ZC3H12B: variants seen among roughly 807,000 people sequenced by gnomAD.
The protein encoded by ZC3H12B is probable ribonuclease ZC3H12B.
Under a neutral mutation model 43.9 loss-of-function variants are expected in ZC3H12B, and 7 were observed. The ratio of observed to expected loss-of-function variants is 0.16; its 90% CI spans 0.09 to 0.30. ZC3H12B has a LOEUF of 0.30. Among genes scored for constraint, ZC3H12B ranks in the 10% least tolerant of loss-of-function variants. ZC3H12B has a pLI of 1.00. For missense variants in ZC3H12B, 475 were observed against 670.2 expected, an observed-to-expected ratio of 0.71 and a Z score of 3.22; for synonymous variants, 222 against 241.7, an observed-to-expected ratio of 0.92 and a Z score of 0.76.
the ZC3H12B span, among the ~76,000 whole-genome samples, chrX:65,333,450 A>G: frequency 8.9e-5 from 10 of 112,363 alleles, no homozygotes; most frequent in African/African-American, 2.3e-4. Flanking sequence ...TCACAGCAGT[A>G]TAGTTTACTC....
At chrX:65,464,848 C>T (rs1055023018) in intron 3 of ZC3H12B, among the ~76,000 whole-genome samples, 2 of 110,856 alleles carry the variant, frequency 1.8e-5, no homozygotes, top group African/African-American at 6.5e-5. Context: ...TTTCTAATCT[C>T]CTTTGTGGTT....
At chrX:65,036,386 C>T in the ZC3H12B span, among the ~76,000 whole-genome samples, 1 of 111,091 alleles carries the variant, frequency 9.0e-6, no homozygotes, top group Admixed American at 9.6e-5. Context: ...TAAGACGTGG[C>T]GAGAGAGAAG....
At chrX:65,382,147 CA>C (rs1352992500) in intron 2 of ZC3H12B, among the ~76,000 whole-genome samples, 2 of 110,758 alleles carry the variant, frequency 1.8e-5, no homozygotes, top group African/African-American at 3.3e-5. Flanking sequence ...GAGACACAAC[CA>C]AAAAAGAGAA....
At chrX:65,376,196 G>T (rs908984150) in intron 2 of ZC3H12B, among the ~76,000 whole-genome samples, 2 of 112,287 alleles carry the variant, frequency 1.8e-5, no homozygotes, top group African/African-American at 6.5e-5. Flanking sequence ...AATGGGCTGA[G>T]GCTCTGCTTC....
At chrX:65,382,452 T>A (rs750143873) in intron 2 of ZC3H12B, among the ~76,000 whole-genome samples, 1 of 111,479 alleles carries the variant, frequency 9.0e-6, no homozygotes, top group African/African-American at 3.3e-5. Flanking sequence ...GGGACGTATC[T>A]CAAAATAATA....
the ZC3H12B span, among the ~76,000 whole-genome samples, chrX:65,280,390 G>C: frequency 0.14 from 15,944 of 111,314 alleles, 2,731 homozygotes; most frequent in African/African-American, 0.49. Flanking sequence ...GGTACAGAAG[G>C]CAAATAACAT....
chrX:65,092,521 G>A, the ZC3H12B span, among the ~76,000 whole-genome samples: 1 of 111,726 alleles, frequency 9.0e-6, no homozygotes, highest in African/African-American at 3.3e-5. Flanking sequence ...CTGGAAATGA[G>A]GAACTTATTG....
chrX:65,102,233 C>G, the ZC3H12B span, among the ~76,000 whole-genome samples: 1 of 111,615 alleles, frequency 9.0e-6, no homozygotes, highest in Non-Finnish European at 1.9e-5. Flanking sequence ...TGGTATATAT[C>G]TCAAAATAAT....
chrX:65,161,928 T>C, the ZC3H12B span, among the ~76,000 whole-genome samples: 1 of 112,050 alleles, frequency 8.9e-6, no homozygotes, highest in East Asian at 2.8e-4. Flanking sequence ...CCATGTTTAG[T>C]GCTTCCTTCA....
chrX:65,302,510 G>A, the ZC3H12B span, among the ~76,000 whole-genome samples: 2 of 111,852 alleles, frequency 1.8e-5, no homozygotes, highest in Non-Finnish European at 3.8e-5. Flanking sequence ...AAAAATTAAA[G>A]AAGAACTAAA....
the ZC3H12B span, among the ~76,000 whole-genome samples, chrX:65,168,980 AAAC>A: frequency 1.8e-5 from 2 of 111,367 alleles, no homozygotes; most frequent in Non-Finnish European, 3.8e-5. Flanking sequence ...CTTTTCAAAA[AAAC>A]AAATCCTGGA....
At chrX:65,281,384 T>A in the ZC3H12B span, among the ~76,000 whole-genome samples, 1 of 110,186 alleles carries the variant, frequency 9.1e-6, no homozygotes, top group Admixed American at 9.7e-5. Context: ...ACAGGTGTGA[T>A]CTGGCTGATT....
At chrX:65,152,302 G>C in the ZC3H12B span, among the ~76,000 whole-genome samples, 1 of 111,471 alleles carries the variant, frequency 9.0e-6, no homozygotes, top group East Asian at 2.8e-4. Context: ...GTCCCTTTTT[G>C]CAGATGACAT....
the ZC3H12B span, among the ~76,000 whole-genome samples, chrX:65,296,475 C>T: frequency 9.1e-6 from 1 of 110,479 alleles, no homozygotes; most frequent in Admixed American, 9.7e-5. Flanking sequence ...TAATGAAACA[C>T]CATATGTTCC....
the ZC3H12B span, among the ~76,000 whole-genome samples, chrX:65,281,824 G>A: frequency 8.9e-6 from 1 of 111,836 alleles, no homozygotes; most frequent in Non-Finnish European, 1.9e-5. Context: ...GAACAAGTAG[G>A]ATTAATATAA....
the ZC3H12B span, among the ~76,000 whole-genome samples, chrX:65,195,649 C>A: frequency 8.9e-6 from 1 of 112,364 alleles, no homozygotes. Flanking sequence ...CTTGGAATGC[C>A]TGAGAGTTTG....
intron 3 of ZC3H12B, among the ~76,000 whole-genome samples, chrX:65,448,446 G>T (rs1343595253): frequency 8.9e-6 from 1 of 111,940 alleles, no homozygotes; most frequent in African/African-American, 3.3e-5. Flanking sequence ...ACCTGCACGT[G>T]TATGTTTATC....
intron 2 of ZC3H12B, among the ~76,000 whole-genome samples, chrX:65,384,377 G>A (rs983342464): frequency 2.7e-5 from 3 of 111,058 alleles, no homozygotes; most frequent in African/African-American, 9.8e-5. Context: ...TGTGGGGTGT[G>A]GGGAGGGATA....
intron 2 of ZC3H12B, among the ~76,000 whole-genome samples, chrX:65,374,034 CT>C (rs1290445824): frequency 2.2e-5 from 1 of 45,486 alleles, no homozygotes; most frequent in African/African-American, 1.1e-4. Flanking sequence ...ATATATATAA[CT>C]ATATATACAG....
Sources: gnomAD v4.1 joint callset for allele counts (sites outside exome capture counted in the v4.1 genomes callset) on GRCh38, gnomAD v4.1.1 for gene constraint, MANE v1.5 for transcripts, NCBI Gene and HGNC (gene_info 2026-07-23, HGNC 2026-07-21) for gene names.